Variants in COPG2 observed in about 807,000 individuals in gnomAD.
The protein encoded by COPG2 is coatomer subunit gamma-2.
COPG2 carries 37 observed loss-of-function variants against 46.3 expected under a neutral mutation model. The observed-to-expected ratio is 0.80, with a 90% confidence interval of 0.61 to 1.05. The LOEUF is 1.05. Ranked by LOEUF, COPG2 falls within the 50% of genes least tolerant of loss-of-function variation. The pLI is 0.00. For synonymous variants in COPG2, 159 were observed against 129.7 expected, an observed-to-expected ratio of 1.23 and a Z score of -1.53; for missense variants, 427 against 387.8, an observed-to-expected ratio of 1.10 and a Z score of -0.85.
chr7:130,601,128 C>A (rs968679079), intron 9 of COPG2, among the ~76,000 whole-genome samples: 1 of 152,148 alleles, frequency 6.6e-6, no homozygotes, highest in Non-Finnish European at 1.5e-5. Context: ...TACCATCTCA[C>A]GGCACTCAGA....
At chr7:130,577,836 C>T (rs1408503324) in intron 9 of COPG2, among the ~76,000 whole-genome samples, 3 of 151,810 alleles carry the variant, frequency 2.0e-5, no homozygotes, top group African/African-American at 7.3e-5. Context: ...GCACCTGGCT[C>T]GGAGGGTCCT....
At chr7:130,609,019 G>A (rs1554451659) in intron 9 of COPG2, among the ~76,000 whole-genome samples, 1 of 152,000 alleles carries the variant, frequency 6.6e-6, no homozygotes, top group Admixed American at 6.6e-5. Flanking sequence ...TGGGACCACA[G>A]GCCTGCGTCA....
chr7:130,524,700 T>C (rs1799757517), intron 20 of COPG2, among the ~76,000 whole-genome samples: 1 of 151,750 alleles, frequency 6.6e-6, no homozygotes, highest in African/African-American at 2.4e-5. Flanking sequence ...CAAAGCATAG[T>C]GTGGGTAAGA....
intron 12 of COPG2, among the ~76,000 whole-genome samples, chr7:130,557,785 C>T (rs1793651570): frequency 1.8e-5 from 2 of 110,796 alleles, no homozygotes; most frequent in African/African-American, 7.1e-5. Context: ...CCGTTGCACT[C>T]CAGCCTGGGC....
intron 9 of COPG2, among the ~76,000 whole-genome samples, chr7:130,596,302 CTCATACT>C (rs1471941536): frequency 1.3e-5 from 2 of 152,214 alleles, no homozygotes; most frequent in African/African-American, 4.8e-5. Context: ...ATGCTTCTTC[CTCATACT>C]TCACACAAAA....
chr7:130,650,570 G>A (rs1795716527), intron 5 of COPG2, among the ~76,000 whole-genome samples: 1 of 152,014 alleles, frequency 6.6e-6, no homozygotes, highest in South Asian at 2.1e-4. Context: ...TTTACTTGTG[G>A]TAGACACCAT....
At chr7:130,575,920 T>C (rs1793991751) in intron 9 of COPG2, among the ~76,000 whole-genome samples, 1 of 152,150 alleles carries the variant, frequency 6.6e-6, no homozygotes, top group Non-Finnish European at 1.5e-5. Context: ...GGGTAGCTAT[T>C]CTTATATCAG....
At chr7:130,509,146 A>G (rs2116326382) in intron 20 of COPG2, 1 of 444,166 alleles carries the variant, frequency 2.3e-6, no homozygotes, top group East Asian at 6.8e-5. Flanking sequence ...TGGCGGGTCC[A>G]CAGATCACCA....
chr7:130,527,529 A>G (rs997846430), intron 20 of COPG2, among the ~76,000 whole-genome samples: 21 of 151,792 alleles, frequency 1.4e-4, no homozygotes, highest in Non-Finnish European at 2.1e-4. Flanking sequence ...AATCATCTGA[A>G]GGGTGAGCAG....
intron 5 of COPG2, among the ~76,000 whole-genome samples, chr7:130,617,592 C>T (rs1173752457): frequency 6.6e-6 from 1 of 152,200 alleles, no homozygotes; most frequent in Non-Finnish European, 1.5e-5. Context: ...GAGGTGTGAA[C>T]TAGCTACAAA....
chr7:130,554,930 A>G (rs1021619324), intron 13 of COPG2, 107 bp downstream of exon 13: 4 of 397,726 alleles, frequency 1.0e-5, no homozygotes, highest in Non-Finnish European at 1.3e-5. Context: ...GTACTACTTG[A>G]GAGGCATACT....
intron 20 of COPG2, among the ~76,000 whole-genome samples, chr7:130,510,743 T>C (rs1166024213): frequency 1.3e-5 from 2 of 152,096 alleles, no homozygotes; most frequent in African/African-American, 4.8e-5. Context: ...TTTACTTAAA[T>C]GGTTTGATTG....
intron 9 of COPG2, among the ~76,000 whole-genome samples, chr7:130,587,530 TA>T (rs1794300483): frequency 6.6e-6 from 1 of 151,548 alleles, no homozygotes; most frequent in African/African-American, 2.4e-5. Flanking sequence ...ATTCCTCTTT[TA>T]AAACTTAGAA....
intron 20 of COPG2, among the ~76,000 whole-genome samples, chr7:130,535,553 G>A (rs966384127): frequency 5.9e-5 from 9 of 151,354 alleles, no homozygotes; most frequent in Admixed American, 1.3e-4. Flanking sequence ...GGAAGGAATG[G>A]CTGCTCTTAA....
intron 9 of COPG2, among the ~76,000 whole-genome samples, chr7:130,583,805 CAAAAAAAAAAAAAAA>C (rs1168370976): frequency 2.4e-4 from 3 of 12,322 alleles, no homozygotes; most frequent in African/African-American, 9.5e-4. Context: ...GACTCCATCT[CAAAAAAAAAAAAAAA>C]AAAAAAAAAA....
At chr7:130,556,980 C>G (rs1793636660) in intron 12 of COPG2, among the ~76,000 whole-genome samples, 1 of 152,138 alleles carries the variant, frequency 6.6e-6, no homozygotes, top group East Asian at 1.9e-4. Context: ...ACTATCTCCA[C>G]AATTATTTAG....
chr7:130,514,796 A>G (rs1425203968), intron 20 of COPG2, among the ~76,000 whole-genome samples: 1 of 152,236 alleles, frequency 6.6e-6, no homozygotes, highest in African/African-American at 2.4e-5. Context: ...AATAAACTAG[A>G]TAATGATTCT....
At position 130,507,374 on chromosome 7, in the gene COPG2, T is replaced by C. The variant is rs782611100; in HGVS notation, c.2387-2A>G. On this transcript the variant is annotated splice_acceptor_variant, in intron 22 of 23. Transcript: ENST00000425248. LOFTEE classifies it high-confidence loss of function. ...ATGTGATGATATTGTTGACAGCCTC[T>C]GTGTTGAGAAGATGTATGAGACAGT... The C allele has an allele frequency of 1.3e-6, 1 of 780,646 alleles. No individual in the cohort carries two copies. Among genetic ancestry groups the C allele is most frequent in the Non-Finnish European group, 2.4e-6 (1 of 417,820 alleles). The allele number at this position is 780,646 out of a possible 1,614,324, so 48.4% of individuals were successfully genotyped here. A position where few individuals can be genotyped will look rare whatever the true frequency, so the allele number is the denominator to read the frequency against.
chr7:130,547,390 T>C (rs1242491505), intron 20 of COPG2: 1 of 305,698 alleles, frequency 3.3e-6, no homozygotes, highest in African/African-American at 2.1e-5. Context: ...AACAGAAAGC[T>C]TGAGTTCCTT....
Sources: allele counts gnomAD v4.1 joint callset (sites outside exome capture counted in the v4.1 genomes callset), GRCh38; gene constraint gnomAD v4.1.1; transcripts MANE v1.5; gene names NCBI Gene and HGNC (gene_info 2026-07-23, HGNC 2026-07-21).